CSMD1: variants seen among roughly 807,000 people sequenced by gnomAD.
CSMD1 encodes the protein CUB and sushi domain-containing protein 1.
Under a neutral mutation model 417.5 loss-of-function variants are expected in CSMD1, and 213 were observed. That is an observed-to-expected ratio of 0.51 (90% CI 0.46 to 0.57). CSMD1 has a LOEUF of 0.57. CSMD1 is among the 20% of genes least tolerant of loss of function. The pLI is 0.00. For missense variants in CSMD1, 6,923 were observed against 4,529.7 expected, an observed-to-expected ratio of 1.53 and a Z score of -15.17; for synonymous variants, 2,862 against 1,736.8, an observed-to-expected ratio of 1.65 and a Z score of -16.11.
chr8:4,880,738 A>G (rs1156493895), intron 1 of CSMD1, among the ~76,000 whole-genome samples: 2 of 152,038 alleles, frequency 1.3e-5, no homozygotes, highest in African/African-American at 4.8e-5. Context: ...CCATGATAAG[A>G]TGAGTTGGAA....
chr8:3,362,456 A>G (rs1448410181), intron 20 of CSMD1, among the ~76,000 whole-genome samples: 2 of 152,070 alleles, frequency 1.3e-5, no homozygotes, highest in East Asian at 3.9e-4. Flanking sequence ...TTTTTTCTCC[A>G]AAGGCTTTCC....
chr8:3,151,128 G>T (rs1023529529), intron 40 of CSMD1: 1 of 290,814 alleles, frequency 3.4e-6, no homozygotes, highest in African/African-American at 2.2e-5. Flanking sequence ...ATTGAATTAG[G>T]GATGCTATAT....
At chr8:3,267,275 T>G (rs569187568) in intron 26 of CSMD1, among the ~76,000 whole-genome samples, 1 of 152,200 alleles carries the variant, frequency 6.6e-6, no homozygotes, top group South Asian at 2.1e-4. Flanking sequence ...GGAAACCCCC[T>G]GATAGCTTTG....
At chr8:4,244,148 G>C (rs904119621) in intron 3 of CSMD1, among the ~76,000 whole-genome samples, 2 of 152,184 alleles carry the variant, frequency 1.3e-5, no homozygotes, top group Non-Finnish European at 2.9e-5. Context: ...AAGTAGATTT[G>C]TGCTACAGGC....
intron 50 of CSMD1, among the ~76,000 whole-genome samples, chr8:3,036,427 A>T (rs979460745): frequency 9.9e-5 from 15 of 152,208 alleles, no homozygotes; most frequent in African/African-American, 3.1e-4. Context: ...ATCGTACTCA[A>T]TGTGGGTAAG....
chr8:4,613,223 A>G (rs564546721), intron 2 of CSMD1, among the ~76,000 whole-genome samples: 2 of 152,322 alleles, frequency 1.3e-5, no homozygotes, highest in East Asian at 3.9e-4. Context: ...CAATTTGTTG[A>G]GTGTGTACAA....
intron 2 of CSMD1, among the ~76,000 whole-genome samples, chr8:4,434,506 C>T (rs913608227): frequency 1.3e-5 from 2 of 152,056 alleles, no homozygotes; most frequent in African/African-American, 4.8e-5. Context: ...AAAAGAAAAC[C>T]CAGCAAAATT....
intron 25 of CSMD1, among the ~76,000 whole-genome samples, chr8:3,301,274 G>C (rs1804382364): frequency 6.6e-6 from 1 of 152,114 alleles, no homozygotes; most frequent in Non-Finnish European, 1.5e-5. Flanking sequence ...GAAACCTGGT[G>C]AGTTAGGAGG....
At chr8:4,345,634 T>C (rs564013843) in intron 3 of CSMD1, among the ~76,000 whole-genome samples, 9 of 152,074 alleles carry the variant, frequency 5.9e-5, no homozygotes, top group African/African-American at 1.9e-4. Flanking sequence ...AAATAATTAC[T>C]GAAACACGGT....
intron 3 of CSMD1, among the ~76,000 whole-genome samples, chr8:4,277,601 A>G (rs75717654): frequency 2.6e-5 from 4 of 152,332 alleles, no homozygotes; most frequent in Non-Finnish European, 5.9e-5. Flanking sequence ...CAAGTTCACT[A>G]TGAGGTGTCT....
In CSMD1 at chr8:3,939,703, C is replaced by T. The variant is rs536614368; in HGVS notation, c.818+58200G>A. 6.6e-5 allele frequency among the ~76,000 whole-genome samples: 10 copies of T among 152,166 alleles called. No homozygotes were observed. In the South Asian group the frequency reaches 2.1e-3, roughly 32 times the overall value. ...AGTCAGCCACATAAAAAGGAAAAAACAGTGCCTTTTGCAGCAACTTGGATG... is the reference window on the plus strand; with the variant it reads ...AGTCAGCCACATAAAAAGGAAAAAATAGTGCCTTTTGCAGCAACTTGGATG... On this transcript the variant is annotated intron_variant, in intron 5 of 69. Coordinates refer to ENST00000635120, the MANE Select transcript of CSMD1 (RefSeq NM_033225.6).
chr8:3,716,634 C>G (rs965614648), intron 6 of CSMD1, among the ~76,000 whole-genome samples: 3 of 152,108 alleles, frequency 2.0e-5, no homozygotes, highest in Non-Finnish European at 4.4e-5. Flanking sequence ...TGGCCTGTGT[C>G]TTGTGCTAAC....
intron 3 of CSMD1, among the ~76,000 whole-genome samples, chr8:4,128,124 C>T (rs777894529): frequency 6.6e-6 from 1 of 152,110 alleles, no homozygotes; most frequent in Admixed American, 6.5e-5. Context: ...CACTGTCAGG[C>T]CAGCACTCCC....
chr8:4,032,747 T>C (rs1797413000), intron 3 of CSMD1, among the ~76,000 whole-genome samples: 1 of 152,186 alleles, frequency 6.6e-6, no homozygotes, highest in Non-Finnish European at 1.5e-5. Flanking sequence ...AGTGCTAAGT[T>C]TTGACAACAG....
chr8:4,513,253 G>C (rs573389423), intron 2 of CSMD1, among the ~76,000 whole-genome samples: 6 of 152,240 alleles, frequency 3.9e-5, no homozygotes, highest in African/African-American at 9.6e-5. Context: ...TGTGGGGACA[G>C]GGGGTATATA....
rs73493647 is a variant in CSMD1 at position 3,628,928 on chromosome 8, A to T, written c.1010-12131T>A. Among the ~76,000 whole-genome samples, 635 of 152,276 alleles carry T rather than the reference A, an allele frequency of 4.2e-3. 5 individuals carry two copies. The highest frequency in any genetic ancestry group is 0.015 in the African/African-American group (619 of 41,540). On this transcript the variant is annotated intron_variant, in intron 7 of 69. Transcript: ENST00000635120. ...CAGGAAAAAATAAGAGAAGGAATAA[A>T]AAGAGTAGGAATGAGAAACAAAAGA... is the stretch of plus-strand genomic sequence containing the variant.
At chr8:4,277,021 G>T (rs973620161) in intron 3 of CSMD1, among the ~76,000 whole-genome samples, 1 of 151,940 alleles carries the variant, frequency 6.6e-6, no homozygotes, top group South Asian at 2.1e-4. Context: ...TTCAGAGAAA[G>T]GTCAAAAAAA....
At chr8:4,644,771 A>G (rs1461693326) in intron 1 of CSMD1, among the ~76,000 whole-genome samples, 7 of 152,234 alleles carry the variant, frequency 4.6e-5, no homozygotes, top group African/African-American at 2.4e-5. Flanking sequence ...TTACTTGCTT[A>G]CGCATTGATG....
chr8:4,367,575 GTTTTTC>G (rs1297157190), intron 3 of CSMD1, among the ~76,000 whole-genome samples: 1 of 151,902 alleles, frequency 6.6e-6, no homozygotes, highest in East Asian at 1.9e-4. Context: ...TTTTAGAATG[GTTTTTC>G]TTTTTCTAAT....
Sources: gnomAD v4.1 joint callset for allele counts (sites outside exome capture counted in the v4.1 genomes callset) on GRCh38, gnomAD v4.1.1 for gene constraint, MANE v1.5 for transcripts, NCBI Gene and HGNC (gene_info 2026-07-23, HGNC 2026-07-21) for gene names.